Variants in PALS1 observed in about 807,000 individuals in gnomAD.
PALS1 encodes the protein protein associated with LIN7 1, MAGUK p55 family member.
Under a neutral mutation model 78.9 loss-of-function variants are expected in PALS1, and 31 were observed. The observed-to-expected ratio is 0.39, with a 90% CI of 0.30 to 0.53. The LOEUF (loss-of-function observed/expected upper bound fraction) is 0.53. Ranked by LOEUF, PALS1 falls within the 20% of genes least tolerant of loss-of-function variation. The pLI, the probability that PALS1 is intolerant of heterozygous loss-of-function variation, is 0.67. For synonymous variants in PALS1, 276 were observed against 270.9 expected, an observed-to-expected ratio of 1.02 and a Z score of -0.18; for missense variants, 704 against 826.5, an observed-to-expected ratio of 0.85 and a Z score of 1.82.
intron 4 of PALS1, among the ~76,000 whole-genome samples, chr14:67,296,484 G>A (rs1021953764): frequency 1.3e-5 from 2 of 150,556 alleles, no homozygotes; most frequent in Non-Finnish European, 3.0e-5. Flanking sequence ...AGGAGGCTGA[G>A]GCAGGAGAAT....
intron 8 of PALS1, among the ~76,000 whole-genome samples, chr14:67,311,585 G>A (rs1412107522): frequency 6.6e-6 from 1 of 152,126 alleles, no homozygotes; most frequent in East Asian, 1.9e-4. Flanking sequence ...GGAAATTAAA[G>A]AGAATTTTAA....
chr14:67,279,095 A>T lies in PALS1; in HGVS notation c.-76A>T. The T allele has an allele frequency of 3.0e-6, 4 of 1,332,470 alleles. No homozygotes were observed. The highest frequency in any genetic ancestry group is 4.0e-6 in the Non-Finnish European group (4 of 1,012,476). The allele number at this position is 1,332,470 out of a possible 1,614,324, so 82.5% of individuals were successfully genotyped here. On this transcript the variant is annotated 5_prime_UTR_variant, in exon 3 of 15. Coordinates refer to ENST00000261681, the MANE Select transcript of PALS1 (RefSeq NM_022474.4). ...TTTTTTTTGAAGTAACATGGATTTT[A>T]TACTACAGAATCAAGAGAATTGGCT...
chr14:67,251,520 C>T (rs1245871702), intron 1 of PALS1, among the ~76,000 whole-genome samples: 1 of 151,940 alleles, frequency 6.6e-6, no homozygotes, highest in Non-Finnish European at 1.5e-5. Flanking sequence ...TCAACAGCAA[C>T]AGAACGAGAA....
intron 1 of PALS1, among the ~76,000 whole-genome samples, chr14:67,266,985 T>G (rs1035385011): frequency 6.6e-6 from 1 of 151,874 alleles, no homozygotes; most frequent in East Asian, 2.0e-4. Context: ...GGCCCATTCC[T>G]GTACCCACCT....
intron 14 of PALS1, among the ~76,000 whole-genome samples, chr14:67,331,911 T>A (rs189003110): frequency 6.9e-6 from 1 of 144,330 alleles, no homozygotes; most frequent in Admixed American, 7.0e-5. Context: ...GTGTGCCATA[T>A]TCAGATGTAC....
chr14:67,310,078 G>T (rs1284736447), intron 8 of PALS1, among the ~76,000 whole-genome samples: 1 of 146,546 alleles, frequency 6.8e-6, no homozygotes, highest in Non-Finnish European at 1.5e-5. Flanking sequence ...TTTTTTTAAA[G>T]AAAACATATT....
chr14:67,252,366 G>T (rs2084078511), intron 1 of PALS1, among the ~76,000 whole-genome samples: 1 of 152,032 alleles, frequency 6.6e-6, no homozygotes, highest in Non-Finnish European at 1.5e-5. Flanking sequence ...AGCTGCCCAG[G>T]CTGGTCTTAA....
At chr14:67,254,235 C>T (rs1266731072) in intron 1 of PALS1, 22 of 145,056 alleles carry the variant, frequency 1.5e-4, no homozygotes, top group Non-Finnish European at 3.1e-4. Flanking sequence ...CGGACTCTGC[C>T]TCAGCAGCCT....
intron 3 of PALS1, among the ~76,000 whole-genome samples, chr14:67,291,116 T>C (rs2084765588): frequency 6.6e-6 from 1 of 151,916 alleles, no homozygotes; most frequent in African/African-American, 2.4e-5. Context: ...ACCATAAATA[T>C]AATTAAGAGG....
In PALS1 at chr14:67,316,026, T is replaced by TC. The variant is rs1595610730; in HGVS notation, c.1226-802dup. Reference sequence around the variant, plus strand: ...GAAATGCACTAAGTTCTACAGATTATCCCCACCTATGTAGAATTTGCTTAT... The same window carrying TC: ...GAAATGCACTAAGTTCTACAGATTATCCCCCACCTATGTAGAATTTGCTTAT... On this transcript the variant is annotated intron_variant, in intron 9 of 14. Coordinates refer to ENST00000261681, the MANE Select transcript of PALS1 (RefSeq NM_022474.4). Among the ~76,000 whole-genome samples the TC allele has an allele frequency of 3.3e-5, 5 of 152,342 alleles. No homozygotes were observed. The East Asian group carries it at 9.6e-4, about 29-fold the overall frequency.
chr14:67,250,668 G>T (rs1442813721), intron 1 of PALS1, among the ~76,000 whole-genome samples: 1 of 152,206 alleles, frequency 6.6e-6, no homozygotes, highest in African/African-American at 2.4e-5. Context: ...TCTGATCCAG[G>T]TGATTCATCG....
At chr14:67,321,836 T>G (rs2085268414) in intron 13 of PALS1, among the ~76,000 whole-genome samples, 1 of 152,194 alleles carries the variant, frequency 6.6e-6, no homozygotes. Flanking sequence ...TTCTGAAACT[T>G]AAAATACAGT....
chr14:67,285,816 G>A (rs555418175), intron 3 of PALS1, among the ~76,000 whole-genome samples: 9 of 152,170 alleles, frequency 5.9e-5, no homozygotes, highest in African/African-American at 1.4e-4. Context: ...ATTCTTTTAC[G>A]TTTTAGACTG....
In PALS1 at chr14:67,273,273, C is replaced by G. The variant is rs538610920; in HGVS notation, c.-154+3490C>G. Among the ~76,000 whole-genome samples, 29 of 151,838 alleles carry G rather than the reference C, an allele frequency of 1.9e-4. No homozygotes were observed. The South Asian group carries it at 5.6e-3, about 29-fold the overall frequency. ...TAATGCTATCGCTCCCCCCTCCCAC[C>G]TCCCCAACCCCACGACAGGCCCCGA... On this transcript the variant is annotated intron_variant, in intron 2 of 14. Coordinates refer to ENST00000261681, the MANE Select transcript of PALS1 (RefSeq NM_022474.4).
intron 11 of PALS1, among the ~76,000 whole-genome samples, chr14:67,319,012 C>G (rs1245375826): frequency 1.3e-5 from 2 of 151,130 alleles, no homozygotes; most frequent in Non-Finnish European, 2.9e-5. Context: ...GAGCCGAGAT[C>G]GCGCCACTGC....
chr14:67,245,302 C>T (rs963630060), intron 1 of PALS1, among the ~76,000 whole-genome samples: 15 of 152,244 alleles, frequency 9.9e-5, no homozygotes, highest in Middle Eastern at 3.4e-3. Context: ...GCTTTACATT[C>T]CTGTCAGCAC....
chr14:67,269,167 G>A (rs1456705796), intron 1 of PALS1, among the ~76,000 whole-genome samples: 1 of 152,118 alleles, frequency 6.6e-6, no homozygotes, highest in African/African-American at 2.4e-5. Context: ...AATCCTGTTT[G>A]TAGGGTTAAT....
rs2084555239 is a variant in PALS1 at position 67,278,912 on chromosome 14, ATACT to A, written c.-153-103_-153-100del. On this transcript the variant is annotated intron_variant, in intron 2 of 14. Coordinates refer to ENST00000261681, the MANE Select transcript of PALS1 (RefSeq NM_022474.4). ...AATCTACTTAACAAAATAATATTAC[ATACT>A]TATTATTTTCTACGTTGTATGGTGA... 1.2e-5 allele frequency: 3 copies of A among 259,310 alleles called. No homozygotes were observed. The South Asian group carries it at 3.3e-4, about 28-fold the overall frequency. The allele number at this position is 259,310 out of a possible 1,614,324, so 16.1% of individuals were successfully genotyped here.
At chr14:67,321,822 T>C (rs1290986319) in intron 13 of PALS1, among the ~76,000 whole-genome samples, 1 of 152,214 alleles carries the variant, frequency 6.6e-6, no homozygotes, top group Non-Finnish European at 1.5e-5. Flanking sequence ...TGCTTGTATG[T>C]ATGTTCTGAA....
Sources: gnomAD v4.1 joint callset for allele counts (sites outside exome capture counted in the v4.1 genomes callset) on GRCh38, gnomAD v4.1.1 for gene constraint, MANE v1.5 for transcripts, NCBI Gene and HGNC (gene_info 2026-07-23, HGNC 2026-07-21) for gene names.